The following ATF7IP variants were observed in gnomAD, a reference collection of about 807,000 sequenced individuals.
The protein encoded by ATF7IP is activating transcription factor 7 interacting protein.
A neutral mutation model predicts 106.4 loss-of-function variants in ATF7IP; 23 were observed. That is an observed-to-expected ratio of 0.22 (90% confidence interval 0.16 to 0.31). The LOEUF is 0.31. ATF7IP is among the 10% of genes least tolerant of loss of function. The pLI is 1.00. For synonymous variants in ATF7IP, 542 were observed against 539.0 expected (o/e 1.01, Z -0.08); for missense variants, 1,334 against 1,524.3 (o/e 0.88, Z 2.08).
intron 6 of ATF7IP, among the ~76,000 whole-genome samples, chr12:14,451,237 A>G (rs1289832661): frequency 6.6e-6 from 1 of 151,772 alleles, no homozygotes; most frequent in Non-Finnish European, 1.5e-5. Flanking sequence ...CATCAGTTCT[A>G]ATGTCTTCTC....
chr12:14,380,808 CG>C (rs1164476366), intron 1 of ATF7IP, among the ~76,000 whole-genome samples: 3 of 152,000 alleles, frequency 2.0e-5, no homozygotes, highest in Non-Finnish European at 4.4e-5. Flanking sequence ...TTAGTAGAGA[CG>C]GGGTTTTGCC....
chr12:14,462,505 A>G (rs1943680759), intron 9 of ATF7IP, among the ~76,000 whole-genome samples: 1 of 152,052 alleles, frequency 6.6e-6, no homozygotes, highest in Admixed American at 6.5e-5. Flanking sequence ...TGGTCATGAG[A>G]TGAGATATAT....
At chr12:14,401,758 C>T (rs1490403713) in intron 1 of ATF7IP, among the ~76,000 whole-genome samples, 1 of 127,542 alleles carries the variant, frequency 7.8e-6, no homozygotes, top group Non-Finnish European at 1.6e-5. Flanking sequence ...CGCTGTGTCG[C>T]TCAGGCTGGA....
Position 14,415,893 on chromosome 12 carries a change from A to G in ATF7IP, c.-7-8016A>G, listed in dbSNP as rs112247597. 1.3e-3 allele frequency among the ~76,000 whole-genome samples: 192 copies of G among 152,298 alleles called. 2 individuals are homozygous for G. Among genetic ancestry groups the G allele is most frequent in the African/African-American group, 4.4e-3 (182 of 41,568 alleles). Reference sequence around the variant, plus strand: ...ATATGCAAATACTACACTACTTTATATAAGGGACTTGAACATTGTCAGATT... The same window carrying G: ...ATATGCAAATACTACACTACTTTATGTAAGGGACTTGAACATTGTCAGATT... On this transcript the variant is annotated intron_variant, in intron 1 of 14. Transcript: ENST00000261168.
At chr12:14,491,813 G>C (rs545126826) in intron 13 of ATF7IP, among the ~76,000 whole-genome samples, 1 of 152,320 alleles carries the variant, frequency 6.6e-6, no homozygotes, top group South Asian at 2.1e-4. Context: ...TACAGCAGCT[G>C]CAGTTAGAGT....
chr12:14,446,561 C>T (rs1228331248), intron 5 of ATF7IP, among the ~76,000 whole-genome samples: 2 of 152,180 alleles, frequency 1.3e-5, no homozygotes, highest in South Asian at 2.1e-4. Context: ...ACAGTAAAGC[C>T]TATACATCCA....
intron 6 of ATF7IP, among the ~76,000 whole-genome samples, chr12:14,452,181 C>T (rs1339246262): frequency 6.6e-6 from 1 of 152,094 alleles, no homozygotes; most frequent in Admixed American, 6.5e-5. Context: ...CTTCTTGTTA[C>T]CATTTGCATG....
At chr12:14,390,003 A>G (rs902600748) in intron 1 of ATF7IP, among the ~76,000 whole-genome samples, 3 of 152,204 alleles carry the variant, frequency 2.0e-5, no homozygotes, top group Non-Finnish European at 4.4e-5. Context: ...AAAAGCAAAC[A>G]ACATTTTTGC....
rs554435383 is a variant in ATF7IP, at chr12:14,425,545, A to G, written c.1558+72A>G. ...AACTGTTTAATAAAACATTATCATA[A>G]TGTTTTAAATTTATTTTAGCTGCAG... is the stretch of plus-strand genomic sequence containing the variant. On this transcript the variant is annotated intron_variant, in intron 2 of 14. Coordinates refer to ENST00000261168, the MANE Select transcript of ATF7IP (RefSeq NM_018179.5). The G allele has an allele frequency of 4.0e-5, 56 of 1,400,610 alleles. No individual in the cohort carries two copies. In the African/African-American group the frequency reaches 6.8e-4, roughly 17 times the overall value. The allele number at this position is 1,400,610 out of a possible 1,614,324, so 86.8% of individuals were successfully genotyped here. A position where few individuals can be genotyped will look rare whatever the true frequency, so the allele number is the denominator to read the frequency against.
At chr12:14,429,221 A>C (rs1156577851) in intron 2 of ATF7IP, among the ~76,000 whole-genome samples, 3 of 152,174 alleles carry the variant, frequency 2.0e-5, no homozygotes, top group African/African-American at 4.8e-5. Context: ...TCATGTTATT[A>C]AATCCGGGGA....
intron 1 of ATF7IP, among the ~76,000 whole-genome samples, chr12:14,376,148 A>T (rs568662863): frequency 1.3e-5 from 2 of 152,356 alleles, no homozygotes; most frequent in African/African-American, 4.8e-5. Flanking sequence ...TCTCACATTG[A>T]TTGTCATATC....
intron 1 of ATF7IP, among the ~76,000 whole-genome samples, chr12:14,423,270 A>G (rs1314310478): frequency 6.6e-6 from 1 of 152,102 alleles, no homozygotes; most frequent in Admixed American, 6.5e-5. Context: ...TCTAGATATA[A>G]AAGTCTGTAT....
At chr12:14,451,072 C>T (rs1943184156) in intron 6 of ATF7IP, among the ~76,000 whole-genome samples, 1 of 151,904 alleles carries the variant, frequency 6.6e-6, no homozygotes, top group African/African-American at 2.4e-5. Context: ...CTGATTAAGT[C>T]TCCTTAATAA....
chr12:14,406,932 A>G (rs1242131225), intron 1 of ATF7IP, among the ~76,000 whole-genome samples: 2 of 152,184 alleles, frequency 1.3e-5, no homozygotes, highest in Non-Finnish European at 2.9e-5. Flanking sequence ...TTAAAAATCT[A>G]ACCACTGTTA....
intron 9 of ATF7IP, among the ~76,000 whole-genome samples, chr12:14,464,672 T>C (rs1025861314): frequency 6.6e-6 from 1 of 152,116 alleles, no homozygotes; most frequent in African/African-American, 2.4e-5. Context: ...AGCAATGCAA[T>C]GGAACTATAA....
chr12:14,468,730 A>T (rs1158212554), intron 10 of ATF7IP, among the ~76,000 whole-genome samples: 3 of 152,158 alleles, frequency 2.0e-5, no homozygotes, highest in Non-Finnish European at 4.4e-5. Context: ...GTATATGAAT[A>T]ATAAATATAA....
chr12:14,423,736 A>G (rs1345630631), intron 1 of ATF7IP, 173 bp from the exon 2 acceptor site: 1 of 665,262 alleles, frequency 1.5e-6, no homozygotes, highest in African/African-American at 1.8e-5. Context: ...ATTTTGTATT[A>G]CACAGATGCA....
intron 1 of ATF7IP, among the ~76,000 whole-genome samples, chr12:14,380,164 A>C (rs1938938804): frequency 6.6e-6 from 1 of 151,836 alleles, no homozygotes; most frequent in African/African-American, 2.4e-5. Context: ...TTCCTTTTCT[A>C]TAGCATTCTA....
chr12:14,474,993 G>T (rs1287197741), intron 10 of ATF7IP, among the ~76,000 whole-genome samples: 1 of 152,046 alleles, frequency 6.6e-6, no homozygotes, highest in African/African-American at 2.4e-5. Flanking sequence ...TATTGTCTTG[G>T]GATTGGGCCT....
Sources: allele counts gnomAD v4.1 joint callset (sites outside exome capture counted in the v4.1 genomes callset), GRCh38; gene constraint gnomAD v4.1.1; transcripts MANE v1.5; gene names NCBI Gene and HGNC (gene_info 2026-07-23, HGNC 2026-07-21).